The following ARHGAP20 variants were observed in gnomAD, a reference collection of about 807,000 sequenced individuals.
ARHGAP20 encodes rho GTPase-activating protein 20.
Under a neutral mutation model 73.7 loss-of-function variants are expected in ARHGAP20, and 34 were observed. The ratio of observed to expected loss-of-function variants is 0.46; its 90% confidence interval spans 0.35 to 0.61. The LOEUF (loss-of-function observed/expected upper bound fraction) is 0.61. ARHGAP20 is among the 20% of genes least tolerant of loss of function. The pLI, the probability that ARHGAP20 is intolerant of heterozygous loss-of-function variation, is 0.00. For synonymous variants in ARHGAP20, 523 were observed against 518.2 expected (o/e 1.01, Z -0.13); for missense variants, 1,314 against 1,420.9 (o/e 0.92, Z 1.21).
intron 9 of ARHGAP20, among the ~76,000 whole-genome samples, chr11:110,593,793 A>G (rs1214369340): frequency 1.3e-5 from 2 of 152,256 alleles, no homozygotes; most frequent in Non-Finnish European, 2.9e-5. Flanking sequence ...ACAGGGGCAG[A>G]TTCAAAAGAG....
Position 110,582,406 on chromosome 11 carries a change from C to T in ARHGAP20, c.1635G>A (p.Glu545=), listed in dbSNP as rs1947498024. ...KVSLLIQFLI[E]NCLRIFGEEI... ...CTTCTCCAAATATCCTAAGGCAATTCTCAATCAGAAATTGTATAAGCAGGG... is the reference window on the plus strand; with the variant it reads ...CTTCTCCAAATATCCTAAGGCAATTTTCAATCAGAAATTGTATAAGCAGGG... Residue 545 remains glutamate, a synonymous_variant, in exon 14 of 15, where the codon GAG becomes GAA. Transcript: ENST00000683387. 1 of 1,613,396 alleles carries T rather than the reference C, an allele frequency of 6.2e-7. No homozygotes were observed. The highest frequency in any genetic ancestry group is 1.7e-5 in the Admixed American group (1 of 59,982).
At chr11:110,666,229 A>G (rs148060115) in intron 2 of ARHGAP20, among the ~76,000 whole-genome samples, 2,051 of 152,346 alleles carry the variant, frequency 0.013, 24 homozygotes, top group South Asian at 0.028. Flanking sequence ...ATAAATGAAG[A>G]GATACCATGT....
intron 2 of ARHGAP20, among the ~76,000 whole-genome samples, chr11:110,665,606 G>A (rs1003848284): frequency 1.3e-5 from 2 of 152,158 alleles, no homozygotes; most frequent in Non-Finnish European, 2.9e-5. Context: ...AGACAGAGTT[G>A]AGAAATCAAG....
At chr11:110,659,987 T>C (rs1949563964) in intron 2 of ARHGAP20, among the ~76,000 whole-genome samples, 2 of 148,862 alleles carry the variant, frequency 1.3e-5, no homozygotes, top group South Asian at 4.2e-4. Context: ...CGCACCAGCA[T>C]GGCACGTGTA....
At chr11:110,656,571 C>T (rs1949471653) in intron 2 of ARHGAP20, among the ~76,000 whole-genome samples, 1 of 152,140 alleles carries the variant, frequency 6.6e-6, no homozygotes, top group Admixed American at 6.5e-5. Flanking sequence ...ATGGGTTTTG[C>T]TTCTACCTCT....
intron 2 of ARHGAP20, 149 bp from the exon 3 acceptor site, chr11:110,630,941 A>G (rs1490388619): frequency 4.2e-6 from 3 of 707,286 alleles, no homozygotes; most frequent in Non-Finnish European, 6.5e-6. Context: ...TTAATATTTC[A>G]TTATGAAAAT....
intron 9 of ARHGAP20, among the ~76,000 whole-genome samples, chr11:110,601,478 G>A (rs902393749): frequency 7.9e-5 from 12 of 152,202 alleles, no homozygotes; most frequent in African/African-American, 2.2e-4. Flanking sequence ...CTGTTATAAA[G>A]TCTGGTAGAA....
At position 110,638,184 on chromosome 11, in the gene ARHGAP20, T is replaced by C. The variant is rs114673111; in HGVS notation, c.189-7392A>G. The stretch of plus-strand genomic sequence containing the variant: ...CAAATTCCATACTTGGCCTCAAGTA[T>C]ACAAATTTTGTTTCATGAACAAAAT... On this transcript the variant is annotated intron_variant, in intron 2 of 14. Coordinates refer to ENST00000683387, the MANE Select transcript of ARHGAP20 (RefSeq NM_001384657.1). 1.3e-3 allele frequency among the ~76,000 whole-genome samples: 204 copies of C among 152,180 alleles called. 1 individual carries two copies. The highest frequency in any genetic ancestry group is 4.7e-3 in the African/African-American group (194 of 41,532).
intron 2 of ARHGAP20, among the ~76,000 whole-genome samples, chr11:110,642,618 C>G (rs1342603354): frequency 6.6e-6 from 1 of 152,094 alleles, no homozygotes; most frequent in African/African-American, 2.4e-5. Flanking sequence ...ACCAACCTTG[C>G]ATCCCAGGAA....
intron 1 of ARHGAP20, among the ~76,000 whole-genome samples, chr11:110,704,440 T>C (rs1206917278): frequency 6.6e-6 from 1 of 152,182 alleles, no homozygotes; most frequent in African/African-American, 2.4e-5. Context: ...CTGTCAAAAT[T>C]AGGTCAAGGC....
intron 3 of ARHGAP20, among the ~76,000 whole-genome samples, chr11:110,625,070 G>T (rs544973908): frequency 7.2e-6 from 1 of 138,150 alleles, no homozygotes; most frequent in Non-Finnish European, 1.5e-5. Context: ...TCGCTCTGTC[G>T]CCCAGGCCGG....
At chr11:110,599,340 G>A (rs571238177) in intron 9 of ARHGAP20, among the ~76,000 whole-genome samples, 2 of 152,350 alleles carry the variant, frequency 1.3e-5, no homozygotes, top group East Asian at 1.9e-4. Context: ...GCCCAACCAG[G>A]TTGTGCAAAC....
intron 2 of ARHGAP20, among the ~76,000 whole-genome samples, chr11:110,680,811 T>C (rs373719140): frequency 1.1e-4 from 16 of 152,278 alleles, no homozygotes; most frequent in African/African-American, 3.1e-4. Flanking sequence ...ATTTTTTAAA[T>C]AGTATGAAAA....
chr11:110,586,151 T>C, intron 12 of ARHGAP20, 65 bp downstream of exon 12: 1 of 828,988 alleles, frequency 1.2e-6, no homozygotes, highest in Non-Finnish European at 1.7e-6. Context: ...GTCATTATTT[T>C]AATAAATAAT....
chr11:110,583,855 G>A (rs1947542398), intron 12 of ARHGAP20, 118 bp from the exon 13 acceptor site: 1 of 790,774 alleles, frequency 1.3e-6, no homozygotes, highest in Admixed American at 3.5e-5. Flanking sequence ...AGATATGCAA[G>A]AGTTTCAGTT....
intron 2 of ARHGAP20, among the ~76,000 whole-genome samples, chr11:110,657,465 A>G (rs1386576790): frequency 6.6e-6 from 1 of 152,132 alleles, no homozygotes; most frequent in Non-Finnish European, 1.5e-5. Context: ...AGAAGCTTGA[A>G]GAGGAAAAAT....
At chr11:110,652,153 A>C (rs1294546010) in intron 2 of ARHGAP20, among the ~76,000 whole-genome samples, 2 of 152,196 alleles carry the variant, frequency 1.3e-5, no homozygotes, top group Non-Finnish European at 2.9e-5. Flanking sequence ...GATTATCTCA[A>C]TATATGTAGA....
In ARHGAP20 at chr11:110,712,359, T is replaced by C. The variant is rs1470140185; in HGVS notation, c.-128A>G. On this transcript the variant is annotated 5_prime_UTR_variant, in exon 1 of 15. Coordinates refer to ENST00000683387, the MANE Select transcript of ARHGAP20 (RefSeq NM_001384657.1). ...GCCGTGCTCAGGCAGGGAGCCGAGC[T>C]CCGGGTGCTCGCCGCGCGCCTCCCG... 1.5e-6 allele frequency: 1 copy of C among 673,962 alleles called. No individual in the cohort carries two copies. Among genetic ancestry groups the C allele is most frequent in the South Asian group, 7.5e-5 (1 of 13,252 alleles). 41.7% of individuals were successfully genotyped at this position (673,962 alleles called of 1,614,324 possible).
intron 2 of ARHGAP20, among the ~76,000 whole-genome samples, chr11:110,675,469 C>T (rs981411434): frequency 6.6e-6 from 1 of 152,146 alleles, no homozygotes; most frequent in Admixed American, 6.6e-5. Flanking sequence ...TTGTGGGAGA[C>T]ATTTTTTCCA....
Sources: gnomAD v4.1 joint callset for allele counts (sites outside exome capture counted in the v4.1 genomes callset) on GRCh38, gnomAD v4.1.1 for gene constraint, MANE v1.5 for transcripts, NCBI Gene and HGNC (gene_info 2026-07-23, HGNC 2026-07-21) for gene names.